Variants in SSH2 observed in about 807,000 individuals in gnomAD.
SSH2 encodes the protein slingshot protein phosphatase 2, also known as protein phosphatase Slingshot homolog 2.
SSH2 carries 37 observed loss-of-function variants against 135.2 expected under a neutral mutation model. That is an observed-to-expected ratio of 0.27 (90% confidence interval 0.21 to 0.36). SSH2 has a LOEUF of 0.36. Ranked by LOEUF, SSH2 falls within the 10% of genes least tolerant of loss-of-function variation. The probability of loss-of-function intolerance (pLI) is 1.00; values close to 1 mark genes in which losing one functional copy is unlikely to be tolerated. For synonymous variants in SSH2, 628 were observed against 646.2 expected (o/e 0.97, Z 0.43); for missense variants, 1,408 against 1,765.3 (o/e 0.80, Z 3.63).
intron 3 of SSH2, chr17:29,716,431 T>C: frequency 1.5e-6 from 1 of 651,402 alleles, no homozygotes; most frequent in Non-Finnish European, 2.9e-6. Flanking sequence ...ACATTAATTC[T>C]CTTGGCAAGA....
chr17:29,714,414 T>G (rs1299146287), intron 3 of SSH2, among the ~76,000 whole-genome samples: 1 of 152,202 alleles, frequency 6.6e-6, no homozygotes, highest in Non-Finnish European at 1.5e-5. Context: ...TTTCAAGCAT[T>G]TGGCCTAAGT....
At chr17:29,900,590 C>T (rs1397405084) in intron 1 of SSH2, among the ~76,000 whole-genome samples, 1 of 152,192 alleles carries the variant, frequency 6.6e-6, no homozygotes, top group Admixed American at 6.5e-5. Flanking sequence ...TACCATCTCA[C>T]ACCAGTTAGA....
At chr17:29,881,710 C>T (rs895356965) in intron 1 of SSH2, among the ~76,000 whole-genome samples, 3 of 152,118 alleles carry the variant, frequency 2.0e-5, no homozygotes, top group Non-Finnish European at 2.9e-5. Flanking sequence ...CCATGTTGAC[C>T]AGGCTGGTCT....
intron 3 of SSH2, among the ~76,000 whole-genome samples, chr17:29,711,662 C>T (rs1045837340): frequency 6.6e-6 from 1 of 152,136 alleles, no homozygotes; most frequent in Non-Finnish European, 1.5e-5. Context: ...GTTCTAGTGG[C>T]GTCCAACTCT....
At chr17:29,928,644 C>A in intron 1 of SSH2, 1 of 398,088 alleles carries the variant, frequency 2.5e-6, no homozygotes, top group South Asian at 1.3e-4. Context: ...ATATAGTTGT[C>A]AATTTCATCA....
intron 3 of SSH2, among the ~76,000 whole-genome samples, chr17:29,783,057 G>A (rs538273335): frequency 3.9e-5 from 6 of 152,016 alleles, no homozygotes; most frequent in African/African-American, 1.4e-4. Flanking sequence ...AATTTGTTGG[G>A]TAGGGGGCCA....
intron 12 of SSH2, among the ~76,000 whole-genome samples, chr17:29,654,359 C>A (rs984036682): frequency 6.6e-6 from 1 of 152,000 alleles, no homozygotes; most frequent in Non-Finnish European, 1.5e-5. Context: ...CTCCCCACCC[C>A]CCGGAATTCT....
intron 1 of SSH2, among the ~76,000 whole-genome samples, chr17:29,897,684 C>T (rs1434573309): frequency 4.6e-5 from 7 of 152,112 alleles, no homozygotes; most frequent in Admixed American, 3.3e-4. Flanking sequence ...TAATGGGAGA[C>T]TTTAACACCC....
intron 3 of SSH2, chr17:29,716,715 C>A: frequency 1.7e-6 from 1 of 581,242 alleles, no homozygotes; most frequent in South Asian, 1.4e-5. Context: ...GATGGCAGTT[C>A]CGGCTGAAAG....
intron 11 of SSH2, among the ~76,000 whole-genome samples, chr17:29,658,174 T>C (rs945827587): frequency 1.3e-5 from 2 of 151,838 alleles, no homozygotes; most frequent in African/African-American, 4.8e-5. Context: ...CAGCTAGTTT[T>C]GGTATTTTTA....
At chr17:29,923,996 T>TA (rs1476435374) in intron 1 of SSH2, among the ~76,000 whole-genome samples, 4 of 152,178 alleles carry the variant, frequency 2.6e-5, no homozygotes, top group Non-Finnish European at 5.9e-5. Context: ...ACCAAACTTC[T>TA]AAAAAAACAA....
chr17:29,835,375 C>T (rs2042925415), intron 2 of SSH2, among the ~76,000 whole-genome samples: 1 of 152,188 alleles, frequency 6.6e-6, no homozygotes, highest in Admixed American at 6.5e-5. Flanking sequence ...AGAAGAAGAC[C>T]ATAGCATTCA....
chr17:29,627,376 G>A lies in SSH2; in HGVS notation c.*3465C>T, dbSNP rs2035529710. On this transcript the variant is annotated 3_prime_UTR_variant, in exon 16 of 16. Coordinates refer to ENST00000540801, the MANE Select transcript of SSH2 (RefSeq NM_001282129.2). The stretch of plus-strand genomic sequence containing the variant: ...AGATGAAACAGGTGAACACTTCTGT[G>A]ACCTGCTACATCTCAGAAGCTTCTC... 6.6e-6 allele frequency: 1 copy of A among 152,550 alleles called. No homozygotes were observed. The highest frequency in any genetic ancestry group is 1.5e-5 in the Non-Finnish European group (1 of 68,016). The allele number at this position is 152,550 out of a possible 1,614,324, so 9.4% of individuals were successfully genotyped here.
intron 3 of SSH2, among the ~76,000 whole-genome samples, chr17:29,765,485 C>T (rs1175079585): frequency 2.0e-5 from 3 of 152,050 alleles, no homozygotes; most frequent in Non-Finnish European, 2.9e-5. Flanking sequence ...TAAGACTCAC[C>T]GTGCACCTTA....
intron 2 of SSH2, among the ~76,000 whole-genome samples, chr17:29,815,831 C>T (rs1393667664): frequency 6.6e-6 from 1 of 151,960 alleles, no homozygotes; most frequent in Non-Finnish European, 1.5e-5. Context: ...CTCTAGAGCC[C>T]TGATTGTTTA....
chr17:29,801,759 A>T (rs1005314873), intron 2 of SSH2, among the ~76,000 whole-genome samples: 1 of 152,224 alleles, frequency 6.6e-6, no homozygotes, highest in Non-Finnish European at 1.5e-5. Flanking sequence ...ACAATGCCCT[A>T]TGTGCAGATG....
At chr17:29,702,916 G>A (rs747647669) in intron 4 of SSH2, 43 bp downstream of exon 4, 1 of 1,398,592 alleles carries the variant, frequency 7.2e-7, no homozygotes, top group East Asian at 2.3e-5. Flanking sequence ...TGTAACAAAA[G>A]ATATAGTTAC....
At chr17:29,719,698 A>C (rs367852353) in intron 3 of SSH2, among the ~76,000 whole-genome samples, 3 of 152,320 alleles carry the variant, frequency 2.0e-5, no homozygotes, top group East Asian at 3.9e-4. Context: ...TAACTTGCTT[A>C]AACTTACCAA....
intron 3 of SSH2, among the ~76,000 whole-genome samples, chr17:29,777,251 G>T (rs1488800269): frequency 2.6e-5 from 4 of 151,856 alleles, no homozygotes; most frequent in Non-Finnish European, 5.9e-5. Context: ...AATTCATTAT[G>T]ATTATCAGCT....
Sources: gnomAD v4.1 joint callset for allele counts (sites outside exome capture counted in the v4.1 genomes callset) on GRCh38, gnomAD v4.1.1 for gene constraint, MANE v1.5 for transcripts, NCBI Gene and HGNC (gene_info 2026-07-23, HGNC 2026-07-21) for gene names.